Variants in SNTB1 observed in about 807,000 individuals in gnomAD.
The protein encoded by SNTB1 is beta-1-syntrophin.
In SNTB1, 36 loss-of-function variants were observed where a neutral mutation model predicts 48.9. That is an observed-to-expected ratio of 0.74 (90% CI 0.56 to 0.97). The LOEUF (loss-of-function observed/expected upper bound fraction) is 0.97. Ranked by LOEUF, SNTB1 falls within the 50% of genes least tolerant of loss-of-function variation. The probability of loss-of-function intolerance (pLI) is 0.00; values close to 1 mark genes in which losing one functional copy is unlikely to be tolerated. For synonymous variants in SNTB1, 299 were observed against 294.6 expected (o/e 1.01, Z -0.15); for missense variants, 786 against 703.4 (o/e 1.12, Z -1.33).
At chr8:120,729,697 A>T (rs770832962) in intron 1 of SNTB1, among the ~76,000 whole-genome samples, 1 of 152,232 alleles carries the variant, frequency 6.6e-6, no homozygotes, top group Non-Finnish European at 1.5e-5. Context: ...CAAGAATCCA[A>T]GTTTGTCTAA....
intron 5 of SNTB1, among the ~76,000 whole-genome samples, chr8:120,548,248 C>T (rs1019553913): frequency 6.6e-6 from 1 of 152,182 alleles, no homozygotes; most frequent in Admixed American, 6.5e-5. Flanking sequence ...GACCATGCTT[C>T]CTGTACAGTC....
intron 2 of SNTB1, among the ~76,000 whole-genome samples, chr8:120,665,603 G>GTTGT (rs1817661681): frequency 6.6e-6 from 1 of 151,900 alleles, no homozygotes; most frequent in Non-Finnish European, 1.5e-5. Context: ...ATCAATTTTT[G>GTTGT]CTTTAGTTAT....
intron 2 of SNTB1, among the ~76,000 whole-genome samples, chr8:120,648,865 T>C (rs1032981614): frequency 3.3e-5 from 5 of 152,168 alleles, no homozygotes; most frequent in Non-Finnish European, 5.9e-5. Flanking sequence ...TTTGTTCATT[T>C]CTTTTTATTC....
rs71571678 is a variant in SNTB1, at chr8:120,780,084, TA to T, written c.571+31188del. Among the ~76,000 whole-genome samples, 248 of 135,318 alleles carry T rather than the reference TA, an allele frequency of 1.8e-3. 1 individual carries two copies. Among genetic ancestry groups the T allele is most frequent in the South Asian group, 3.4e-3 (14 of 4,160 alleles). The allele number at this position is 135,318 out of a possible 152,430, so 88.8% of individuals were successfully genotyped here. ...GACATATAAGGAATGATGATCTAGT[TA>T]AAAAAAAAAAAAAAAGATCCGTGTC... On this transcript the variant is annotated intron_variant, in intron 1 of 6. Transcript: ENST00000517992.
At chr8:120,803,735 A>T (rs1820273802) in intron 1 of SNTB1, among the ~76,000 whole-genome samples, 1 of 152,168 alleles carries the variant, frequency 6.6e-6, no homozygotes, top group African/African-American at 2.4e-5. Flanking sequence ...GGCTGTTCTG[A>T]CCAGCTTCAC....
At chr8:120,761,135 A>G (rs1048178993) in intron 1 of SNTB1, 2 of 152,190 alleles carry the variant, frequency 1.3e-5, no homozygotes, top group African/African-American at 4.8e-5. Context: ...GTGCTTCCCC[A>G]TTACCACCAC....
intron 3 of SNTB1, among the ~76,000 whole-genome samples, chr8:120,581,119 AGACATCTAG>A (rs1816043225): frequency 6.6e-6 from 1 of 150,896 alleles, no homozygotes; most frequent in African/African-American, 2.4e-5. Context: ...AGAAAGAAAA[AGACATCTAG>A]GACATCTAGA....
At chr8:120,625,385 G>A (rs1816858053) in intron 3 of SNTB1, among the ~76,000 whole-genome samples, 1 of 152,154 alleles carries the variant, frequency 6.6e-6, no homozygotes, top group Admixed American at 6.5e-5. Context: ...GTCTTACATG[G>A]GCAGCTCTGA....
At chr8:120,607,827 T>C (rs1273733858) in intron 3 of SNTB1, among the ~76,000 whole-genome samples, 1 of 152,188 alleles carries the variant, frequency 6.6e-6, no homozygotes, top group Non-Finnish European at 1.5e-5. Context: ...CCACAGGTGG[T>C]TCCTGCAAGG....
At chr8:120,652,646 C>A (rs1425543224) in intron 2 of SNTB1, among the ~76,000 whole-genome samples, 4 of 151,856 alleles carry the variant, frequency 2.6e-5, no homozygotes, top group Admixed American at 2.6e-4. Flanking sequence ...TTTCTTCATC[C>A]CATGTAAAAT....
chr8:120,707,918 A>G (rs1818403105), intron 1 of SNTB1, among the ~76,000 whole-genome samples: 1 of 152,158 alleles, frequency 6.6e-6, no homozygotes, highest in Non-Finnish European at 1.5e-5. Context: ...ATTAATAAAC[A>G]TACTCTGTGA....
chr8:120,584,794 C>T (rs1240400780), intron 3 of SNTB1, among the ~76,000 whole-genome samples: 1 of 152,222 alleles, frequency 6.6e-6, no homozygotes, highest in East Asian at 1.9e-4. Flanking sequence ...GACCCCTAAT[C>T]CACCTTGACT....
chr8:120,542,558 G>A (rs535246923), intron 5 of SNTB1, among the ~76,000 whole-genome samples: 1 of 152,288 alleles, frequency 6.6e-6, no homozygotes, highest in South Asian at 2.1e-4. Flanking sequence ...GGAGGCTGAG[G>A]CAGGAGAATG....
intron 6 of SNTB1, among the ~76,000 whole-genome samples, chr8:120,540,056 T>G (rs1052744623): frequency 2.0e-5 from 3 of 152,068 alleles, no homozygotes; most frequent in African/African-American, 7.2e-5. Context: ...AGAAGGAAAC[T>G]TTTGAAAAAG....
At chr8:120,572,682 A>C (rs931529772) in intron 4 of SNTB1, among the ~76,000 whole-genome samples, 2 of 152,208 alleles carry the variant, frequency 1.3e-5, no homozygotes, top group Non-Finnish European at 2.9e-5. Flanking sequence ...TGAGGTCAGG[A>C]GTTCAAGACC....
intron 1 of SNTB1, among the ~76,000 whole-genome samples, chr8:120,741,671 C>T (rs1192307493): frequency 6.6e-6 from 1 of 152,178 alleles, no homozygotes; most frequent in Non-Finnish European, 1.5e-5. Flanking sequence ...GTATTTTACC[C>T]CCTCCTAATT....
intron 1 of SNTB1, among the ~76,000 whole-genome samples, chr8:120,741,221 C>T (rs560548143): frequency 4.6e-5 from 7 of 152,286 alleles, no homozygotes; most frequent in South Asian, 2.1e-4. Flanking sequence ...TTCATGGCAA[C>T]GAGTCATTGA....
intron 2 of SNTB1, among the ~76,000 whole-genome samples, chr8:120,672,152 T>C (rs559054851): frequency 2.0e-4 from 30 of 152,352 alleles, no homozygotes; most frequent in African/African-American, 6.7e-4. Flanking sequence ...GTTCTGAGCA[T>C]GTTTAATACA....
At chr8:120,679,096 G>A (rs1295914572) in intron 2 of SNTB1, among the ~76,000 whole-genome samples, 2 of 152,210 alleles carry the variant, frequency 1.3e-5, no homozygotes, top group Non-Finnish European at 2.9e-5. Context: ...GGTCCTGGGT[G>A]CTTCCCCACC....
Sources: allele counts gnomAD v4.1 joint callset (sites outside exome capture counted in the v4.1 genomes callset), GRCh38; gene constraint gnomAD v4.1.1; transcripts MANE v1.5; gene names NCBI Gene and HGNC (gene_info 2026-07-23, HGNC 2026-07-21).